The following PUDP variants were observed in gnomAD, a reference collection of about 807,000 sequenced individuals.
PUDP encodes pseudouridine-5'-phosphatase.
PUDP carries 8 observed loss-of-function variants against 9.4 expected under a neutral mutation model. The observed-to-expected ratio is 0.85, with a 90% CI of 0.50 to 1.53. The LOEUF (loss-of-function observed/expected upper bound fraction) is 1.53, where lower values mean the gene tolerates loss of function less well. Among genes scored for constraint, PUDP ranks in the 40% most tolerant of loss-of-function variants. The pLI is 0.00. For missense variants in PUDP, 188 were observed against 189.7 expected (o/e 0.99, Z 0.05); for synonymous variants, 99 against 80.7 (o/e 1.23, Z -1.22).
At chrX:6,880,438 T>C (rs899653032) in intron 3 of PUDP, among the ~76,000 whole-genome samples, 3 of 112,175 alleles carry the variant, frequency 2.7e-5, no homozygotes, top group African/African-American at 6.5e-5. Context: ...TGTCCTATCA[T>C]TGAAAATATT....
downstream of PUDP, among the ~76,000 whole-genome samples, chrX:7,046,380 G>A (rs1419969380): frequency 8.9e-6 from 1 of 112,133 alleles, no homozygotes; most frequent in Admixed American, 9.4e-5. Flanking sequence ...GAGGCCTGAG[G>A]AGGAACCAGC....
intron 3 of PUDP, among the ~76,000 whole-genome samples, chrX:6,846,849 C>G (rs773776211): frequency 4.5e-5 from 5 of 111,428 alleles, no homozygotes; most frequent in Non-Finnish European, 9.4e-5. Flanking sequence ...TATGCCTGAG[C>G]TGGTTTGGGA....
chrX:6,854,785 AGAG>A (rs1012698402), intron 3 of PUDP, among the ~76,000 whole-genome samples: 1 of 109,887 alleles, frequency 9.1e-6, no homozygotes, highest in Non-Finnish European at 1.9e-5. Context: ...AAGAGGCTGA[AGAG>A]GAGGAGGAAG....
At chrX:7,137,836 G>A (rs756530518) in intron 1 of PUDP, among the ~76,000 whole-genome samples, 1 of 111,978 alleles carries the variant, frequency 8.9e-6, no homozygotes, top group South Asian at 3.7e-4. Context: ...TCCTGCCTAA[G>A]GGTTCCGGCT....
At position 6,810,976 on chromosome X, in the gene PUDP, C is replaced by T. The variant is rs765004377; in HGVS notation, c.*248-104510G>A. 3.9e-4 allele frequency among the ~76,000 whole-genome samples: 44 copies of T among 111,426 alleles called. No homozygotes were observed. In the East Asian group the frequency reaches 0.012, roughly 31 times the overall value. The stretch of plus-strand genomic sequence containing the variant: ...GGCAACAGGCTGTATGTAATTTATG[C>T]CTTGCTAGGGAGGTGGACCAAGCCA... On this transcript the variant is annotated intron_variant and NMD_transcript_variant, in intron 3 of 3. Transcript: ENST00000655425.
intron 1 of PUDP, among the ~76,000 whole-genome samples, chrX:7,003,739 G>T (rs2146810778): frequency 8.9e-6 from 1 of 111,744 alleles, no homozygotes; most frequent in Non-Finnish European, 1.9e-5. Flanking sequence ...ACAGCGTTGT[G>T]GTTGGGAAAG....
chrX:7,143,387 T>G (rs1376140187), intron 1 of PUDP, among the ~76,000 whole-genome samples: 1 of 112,011 alleles, frequency 8.9e-6, no homozygotes, highest in Non-Finnish European at 1.9e-5. Context: ...AAAACCATAT[T>G]GCTTTTATTT....
At chrX:6,976,551 A>T (rs781388733) in intron 3 of PUDP, among the ~76,000 whole-genome samples, 1 of 111,779 alleles carries the variant, frequency 8.9e-6, no homozygotes, top group East Asian at 2.8e-4. Flanking sequence ...ACCAGTCCCA[A>T]TGAGATGAGC....
At chrX:6,916,690 G>T (rs1465299649) in intron 3 of PUDP, among the ~76,000 whole-genome samples, 1 of 111,581 alleles carries the variant, frequency 9.0e-6, no homozygotes, top group African/African-American at 3.3e-5. Context: ...TGAAGCTTGT[G>T]TTGTTGATGC....
intron 2 of PUDP, 24 bp from the exon 3 acceptor site, chrX:7,077,473 G>A (rs536222224): frequency 2.6e-6 from 3 of 1,142,458 alleles, no homozygotes; most frequent in African/African-American, 1.8e-5. Context: ...GGGAAGGACT[G>A]AGGTGAGGGG....
intron 3 of PUDP, among the ~76,000 whole-genome samples, chrX:6,781,120 C>T (rs1925553642): frequency 9.1e-6 from 1 of 110,450 alleles, no homozygotes; most frequent in Non-Finnish European, 1.9e-5. Flanking sequence ...AAATACTACT[C>T]ATTGGCCAAG....
intron 3 of PUDP, among the ~76,000 whole-genome samples, chrX:6,925,765 T>C (rs1410616606): frequency 1.8e-5 from 2 of 111,904 alleles, no homozygotes; most frequent in African/African-American, 6.5e-5. Flanking sequence ...GGTTTATAGG[T>C]GAATTCAGAG....
At chrX:6,747,025 CCCA>C (rs1440971922) in intron 3 of PUDP, among the ~76,000 whole-genome samples, 1 of 111,392 alleles carries the variant, frequency 9.0e-6, no homozygotes, top group Admixed American at 9.6e-5. Context: ...AATTTACATT[CCCA>C]CCAAGAGTGT....
At chrX:6,958,985 T>C (rs1407990254) in intron 3 of PUDP, among the ~76,000 whole-genome samples, 2 of 111,470 alleles carry the variant, frequency 1.8e-5, no homozygotes, top group Non-Finnish European at 3.8e-5. Context: ...TATAATACAA[T>C]GTGAGAAGAA....
intron 3 of PUDP, among the ~76,000 whole-genome samples, chrX:6,866,844 A>G: frequency 8.9e-6 from 1 of 111,830 alleles, no homozygotes; most frequent in Non-Finnish European, 1.9e-5. Context: ...ATTATGGTGG[A>G]GAAAAATAAA....
chrX:6,898,105 A>G (rs1279279996), intron 3 of PUDP, among the ~76,000 whole-genome samples: 1 of 111,815 alleles, frequency 8.9e-6, no homozygotes, highest in Non-Finnish European at 1.9e-5. Flanking sequence ...TTCTGCTGTC[A>G]CAGCCACCTG....
chrX:6,899,222 C>A (rs995460520), intron 3 of PUDP, among the ~76,000 whole-genome samples: 9 of 112,881 alleles, frequency 8.0e-5, no homozygotes, highest in African/African-American at 2.9e-4. Flanking sequence ...ATCTCCAGCT[C>A]TTACTGGCCA....
At chrX:6,899,673 A>AGAT (rs72211121) in intron 3 of PUDP, among the ~76,000 whole-genome samples, 24,504 of 105,193 alleles carry the variant, frequency 0.23, 2,538 homozygotes, top group Admixed American at 0.37. Context: ...TCTGTGATAG[A>AGAT]GATGATGATG....
intron 3 of PUDP, among the ~76,000 whole-genome samples, chrX:6,897,312 T>TTGTG (rs755759108): frequency 9.0e-6 from 1 of 111,713 alleles, no homozygotes; most frequent in Non-Finnish European, 1.9e-5. Flanking sequence ...TATAATATAC[T>TTGTG]TGTGTGTGTG....
Sources: gnomAD v4.1 joint callset for allele counts (sites outside exome capture counted in the v4.1 genomes callset) on GRCh38, gnomAD v4.1.1 for gene constraint, MANE v1.5 for transcripts, NCBI Gene and HGNC (gene_info 2026-07-23, HGNC 2026-07-21) for gene names.